Variants in DIS3L2 observed in about 807,000 individuals in gnomAD.
DIS3L2 encodes the protein DIS3 like 3'-5' exoribonuclease 2.
Under a neutral mutation model 97.5 loss-of-function variants are expected in DIS3L2, and 34 were observed. The observed-to-expected ratio is 0.35, with a 90% CI of 0.27 to 0.46. The LOEUF (loss-of-function observed/expected upper bound fraction) is 0.46, where lower values mean the gene tolerates loss of function less well. DIS3L2 is among the 20% of genes least tolerant of loss of function. The probability of loss-of-function intolerance (pLI) is 1.00; values close to 1 mark genes in which losing one functional copy is unlikely to be tolerated. For missense variants in DIS3L2, 1,038 were observed against 1,146.0 expected (o/e 0.91, Z 1.36); for synonymous variants, 435 against 445.2 (o/e 0.98, Z 0.29).
At chr2:232,047,439 G>A (rs1695272908) in intron 5 of DIS3L2, among the ~76,000 whole-genome samples, 1 of 152,130 alleles carries the variant, frequency 6.6e-6, no homozygotes, top group Admixed American at 6.5e-5. Context: ...TAATAAATGA[G>A]GCACCTGTAT....
intron 13 of DIS3L2, among the ~76,000 whole-genome samples, chr2:232,294,634 A>G (rs185982512): frequency 6.6e-6 from 1 of 152,216 alleles, no homozygotes; most frequent in East Asian, 1.9e-4. Context: ...CTCTCTGACC[A>G]TGGCCTCAGC....
chr2:232,123,517 C>T (rs531403486), intron 6 of DIS3L2, among the ~76,000 whole-genome samples: 2 of 151,704 alleles, frequency 1.3e-5, no homozygotes, highest in African/African-American at 4.8e-5. Flanking sequence ...TTCTTACCCC[C>T]ATCACTGCTC....
intron 10 of DIS3L2, among the ~76,000 whole-genome samples, chr2:232,234,822 G>A (rs1308150313): frequency 6.6e-6 from 1 of 152,228 alleles, no homozygotes; most frequent in Non-Finnish European, 1.5e-5. Context: ...ACTCACAGAT[G>A]TCTAGTGCGG....
At chr2:232,092,658 T>C (rs1490817665) in intron 6 of DIS3L2, among the ~76,000 whole-genome samples, 1 of 152,208 alleles carries the variant, frequency 6.6e-6, no homozygotes, top group East Asian at 1.9e-4. Flanking sequence ...TTTATAACTA[T>C]TGTAAATGGG....
intron 11 of DIS3L2, 65 bp from the exon 12 acceptor site, chr2:232,249,174 T>A: frequency 6.6e-7 from 1 of 1,517,556 alleles, no homozygotes; most frequent in East Asian, 2.3e-5. Context: ...ACCAAAACTC[T>A]GCCCACTGGG....
intron 10 of DIS3L2, among the ~76,000 whole-genome samples, chr2:232,237,346 C>A (rs1056431968): frequency 7.9e-5 from 12 of 152,090 alleles, no homozygotes; most frequent in Non-Finnish European, 1.6e-4. Flanking sequence ...AAGACAGCTC[C>A]ACCAGGAAGG....
rs188137283 is a variant in DIS3L2, at chr2:232,269,319, A to T, written c.1659+5879A>T. Among the ~76,000 whole-genome samples the T allele has an allele frequency of 6.6e-6, 1 of 152,256 alleles. No homozygotes were observed. The highest frequency in any genetic ancestry group is 6.5e-5 in the Admixed American group (1 of 15,300). On this transcript the variant is annotated intron_variant, in intron 13 of 20. Coordinates refer to ENST00000325385, the MANE Select transcript of DIS3L2 (RefSeq NM_152383.5). The surrounding 1 kb of genome is among the most constrained non-coding windows in gnomAD (Gnocchi z 4.5). ...CTCTGCTGTTTAATATTTGTACCAT[A>T]TATTTGATCCAAGGTAGGAAGGATG... is the stretch of plus-strand genomic sequence containing the variant.
chr2:231,975,512 C>G (rs1030245283), intron 1 of DIS3L2, among the ~76,000 whole-genome samples: 27 of 151,680 alleles, frequency 1.8e-4, no homozygotes, highest in African/African-American at 6.3e-4. Flanking sequence ...ACCATCCTGG[C>G]TAACATGGTG....
At chr2:232,335,666 C>T in intron 19 of DIS3L2, 107 bp from the exon 20 acceptor site, 1 of 1,297,106 alleles carries the variant, frequency 7.7e-7, no homozygotes, top group Non-Finnish European at 1.1e-6. Context: ...AAGGGTGGGC[C>T]AGGGCCGAGG....
chr2:232,027,011 A>G (rs1421207562), intron 4 of DIS3L2, among the ~76,000 whole-genome samples: 3 of 152,158 alleles, frequency 2.0e-5, no homozygotes, highest in East Asian at 1.9e-4. Context: ...AGAGCTACCA[A>G]TCAAGGCCCA....
intron 8 of DIS3L2, among the ~76,000 whole-genome samples, chr2:232,153,920 C>G (rs1466576484): frequency 6.6e-6 from 1 of 151,404 alleles, no homozygotes; most frequent in Non-Finnish European, 1.5e-5. Flanking sequence ...TCTTTTTTCT[C>G]TAAACTTCCC....
chr2:232,294,306 A>C (rs756338508), intron 13 of DIS3L2, among the ~76,000 whole-genome samples: 4 of 152,186 alleles, frequency 2.6e-5, no homozygotes, highest in African/African-American at 4.8e-5. Flanking sequence ...AATGGGGAGC[A>C]GGACAGGGGA....
chr2:231,970,262 A>C (rs1692861063), intron 1 of DIS3L2, among the ~76,000 whole-genome samples: 1 of 152,108 alleles, frequency 6.6e-6, no homozygotes, highest in Admixed American at 6.5e-5. Context: ...TTCATTTGTT[A>C]ATATGGTGAA....
chr2:232,089,050 T>C (rs1281338441), intron 6 of DIS3L2, among the ~76,000 whole-genome samples: 6 of 152,210 alleles, frequency 3.9e-5, no homozygotes, highest in Non-Finnish European at 8.8e-5. Context: ...GTTTAGGGAC[T>C]GGTGAGCATA....
intron 13 of DIS3L2, among the ~76,000 whole-genome samples, chr2:232,275,309 T>C (rs1574987491): frequency 1.3e-5 from 2 of 152,370 alleles, no homozygotes; most frequent in African/African-American, 4.8e-5. Flanking sequence ...ACTATAACTG[T>C]TAAGAAGGCA....
rs543205567 is a variant in DIS3L2 at position 232,283,737 on chromosome 2, AT to A, written c.1660-16300del. 4.6e-5 allele frequency among the ~76,000 whole-genome samples: 7 copies of A among 152,332 alleles called. No individual in the cohort carries two copies. In the East Asian group the frequency reaches 1.3e-3, roughly 29 times the overall value. Reference sequence around the variant, plus strand: ...TTAGGTAACATCCTCAAAATGACAGATTTATAGAGAAGGAGAACAGGTAGGT... The same window carrying A: ...TTAGGTAACATCCTCAAAATGACAGATTATAGAGAAGGAGAACAGGTAGGT... On this transcript the variant is annotated intron_variant, in intron 13 of 20. Transcript: ENST00000325385.
rs1210641805 is a variant in DIS3L2, at chr2:232,037,849, C to T, written c.366+7769C>T. On this transcript the variant is annotated intron_variant, in intron 5 of 20. Transcript: ENST00000325385. This position sits in a 1 kb window ranked among gnomAD's most constrained non-coding sequence, Gnocchi z 4.6. ...AACGCCCCACCCTGCTTTGGCTTGC[C>T]CTCCGTGGGCTGCACCCACTGGCTA... Among the ~76,000 whole-genome samples the T allele has an allele frequency of 6.6e-6, 1 of 152,178 alleles. No individual in the cohort carries two copies. Among genetic ancestry groups the T allele is most frequent in the Admixed American group, 6.5e-5 (1 of 15,282 alleles).
intron 6 of DIS3L2, among the ~76,000 whole-genome samples, chr2:232,103,894 C>T (rs953019661): frequency 1.3e-5 from 2 of 152,078 alleles, no homozygotes; most frequent in African/African-American, 2.4e-5. Flanking sequence ...GAAAATAATA[C>T]ATTTTGAGCA....
At chr2:232,241,248 T>C (rs1693072846) in intron 11 of DIS3L2, among the ~76,000 whole-genome samples, 1 of 152,290 alleles carries the variant, frequency 6.6e-6, no homozygotes, top group African/African-American at 2.4e-5. Context: ...TCTGAAAAGC[T>C]GGATGAGCTG....
Sources: allele counts gnomAD v4.1 joint callset (sites outside exome capture counted in the v4.1 genomes callset), GRCh38; gene constraint gnomAD v4.1.1; non-coding constraint Gnocchi (gnomAD v3.1); transcripts MANE v1.5; gene names NCBI Gene and HGNC (gene_info 2026-07-23, HGNC 2026-07-21).